AP3B2: variants seen among roughly 807,000 people sequenced by gnomAD.
AP3B2 encodes adaptor related protein complex 3 subunit beta 2.
In AP3B2, 50 loss-of-function variants were observed where a neutral mutation model predicts 126.9. That is an observed-to-expected ratio of 0.39 (90% confidence interval 0.31 to 0.50). The LOEUF is 0.50. Ranked by LOEUF, AP3B2 falls within the 20% of genes least tolerant of loss-of-function variation. AP3B2 has a pLI of 0.79. For synonymous variants in AP3B2, 541 were observed against 565.0 expected (o/e 0.96, Z 0.60); for missense variants, 1,177 against 1,426.4 (o/e 0.83, Z 2.82).
chr15:82,689,474 T>A (rs772475998), intron 1 of AP3B2, 21 bp from the exon 2 acceptor site: 1 of 1,610,454 alleles, frequency 6.2e-7, no homozygotes, highest in East Asian at 2.2e-5. Flanking sequence ...GTACAAGAAG[T>A]CAGCTGAGGG....
intron 12 of AP3B2, 139 bp downstream of exon 12, chr15:82,677,532 G>C: frequency 7.2e-7 from 1 of 1,385,104 alleles, no homozygotes; most frequent in East Asian, 2.5e-5. Flanking sequence ...AGGAACACTT[G>C]GGCCCTGATC....
At chr15:82,677,170 G>A in intron 13 of AP3B2, 104 bp downstream of exon 13, 2 of 976,570 alleles carry the variant, frequency 2.0e-6, no homozygotes, top group South Asian at 3.0e-5. Context: ...GAAGACCTAA[G>A]GTTTGGAAGT....
At chr15:82,697,476 A>G (rs932381430) in intron 1 of AP3B2, among the ~76,000 whole-genome samples, 1 of 152,222 alleles carries the variant, frequency 6.6e-6, no homozygotes, top group African/African-American at 2.4e-5. Context: ...GTGGCAAATG[A>G]CTGCTGCTAA....
chr15:82,663,152 A>G lies in AP3B2; in HGVS notation c.2579T>C (p.Leu860Pro). ...CGACGGTACCAGGGTGGAGTCTGTG[A>G]GTGTCAGGCCCTCCAGGTCAGCAGC... Reference protein sequence around the residue: ...SLAADLEGLTLTDSTLVPSLL... With the variant: ...SLAADLEGLTPTDSTLVPSLL... Residue 860 changes from leucine (L) to proline (P), a missense_variant, in exon 22 of 27, where the codon CTC becomes CCC. By Grantham distance (98) the Leu-to-Pro change is moderately conservative (BLOSUM62 -3). Coordinates refer to ENST00000535359, the MANE Select transcript of AP3B2 (RefSeq NM_001278512.2). The G allele has an allele frequency of 1.9e-6, 3 of 1,612,036 alleles. No individual in the cohort carries two copies. Among genetic ancestry groups the G allele is most frequent in the Non-Finnish European group, 2.5e-6 (3 of 1,179,558 alleles).
rs912930421 is a variant in AP3B2 at position 82,680,102 on chromosome 15, G to T, written c.1110+73C>A. 4 of 1,590,070 alleles carry T rather than the reference G, an allele frequency of 2.5e-6. No individual in the cohort carries two copies. ...TTCCCTTTCCCCGGCCCCGGTCCCAGCCCCGACAACGCCTCCAGTGCCCGC... is the reference window on the plus strand; with the variant it reads ...TTCCCTTTCCCCGGCCCCGGTCCCATCCCCGACAACGCCTCCAGTGCCCGC... On this transcript the variant is annotated intron_variant, in intron 9 of 26. Coordinates refer to ENST00000535359, the MANE Select transcript of AP3B2 (RefSeq NM_001278512.2). This position sits in a 1 kb window ranked among gnomAD's most constrained non-coding sequence, Gnocchi z 6.1.
At chr15:82,708,236 C>T (rs1212250333) in intron 1 of AP3B2, among the ~76,000 whole-genome samples, 1 of 151,608 alleles carries the variant, frequency 6.6e-6, no homozygotes, top group African/African-American at 2.4e-5. Context: ...AGAACAACCC[C>T]CTTTGACTGT....
At chr15:82,684,487 G>A (rs552469322) in intron 4 of AP3B2, among the ~76,000 whole-genome samples, 6 of 152,206 alleles carry the variant, frequency 3.9e-5, no homozygotes, top group Non-Finnish European at 8.8e-5. Flanking sequence ...TTTGGCTTAA[G>A]GGAATGTGGT....
At chr15:82,700,468 G>A (rs565356296) in intron 1 of AP3B2, among the ~76,000 whole-genome samples, 4 of 141,644 alleles carry the variant, frequency 2.8e-5, no homozygotes, top group Non-Finnish European at 6.0e-5. Flanking sequence ...GCGTGATCTC[G>A]GCTCACTGCA....
intron 14 of AP3B2, among the ~76,000 whole-genome samples, chr15:82,670,061 T>C (rs1337205378): frequency 4.7e-5 from 2 of 42,794 alleles, no homozygotes; most frequent in African/African-American, 8.8e-5. Context: ...AGAGCAAAAC[T>C]CCGTCTCCAA....
chr15:82,667,739 C>A (rs1024164363), intron 14 of AP3B2, among the ~76,000 whole-genome samples: 1 of 152,200 alleles, frequency 6.6e-6, no homozygotes, highest in African/African-American at 2.4e-5. Context: ...GAGAAGTAGG[C>A]ATTATTGCCC....
In AP3B2 at chr15:82,664,552, ACACCTGGGTTC is replaced by A; in HGVS notation, c.2138-73_2138-63del. The A allele has an allele frequency of 7.7e-6, 12 of 1,559,784 alleles. No individual in the cohort carries two copies. Among genetic ancestry groups the A allele is most frequent in the Non-Finnish European group, 1.0e-5 (12 of 1,153,488 alleles). On this transcript the variant is annotated intron_variant, in intron 18 of 26. Transcript: ENST00000535359. This position sits in a 1 kb window ranked among gnomAD's most constrained non-coding sequence, Gnocchi z 4.5. ...GCAGGCCTCCTTGGGTCTGGAGCAG[ACACCTGGGTTC>A]CACCTTCACATTCAGTACTGAACCC...
At chr15:82,677,988 G>T (rs1164951513) in intron 11 of AP3B2, 117 bp downstream of exon 11, 4 of 1,396,184 alleles carry the variant, frequency 2.9e-6, no homozygotes, top group Non-Finnish European at 2.9e-6. Flanking sequence ...ATTGGAACGG[G>T]AATGTAAGAT....
At chr15:82,672,732 C>T (rs2048177931) in intron 14 of AP3B2, among the ~76,000 whole-genome samples, 1 of 152,144 alleles carries the variant, frequency 6.6e-6, no homozygotes, top group East Asian at 1.9e-4. Context: ...TAAATATATA[C>T]ACCTACTATG....
chr15:82,690,503 G>A (rs1194988068), intron 1 of AP3B2, among the ~76,000 whole-genome samples: 1 of 151,802 alleles, frequency 6.6e-6, no homozygotes, highest in Non-Finnish European at 1.5e-5. Flanking sequence ...AACCTGCAGT[G>A]TTTGGTTTTC....
chr15:82,704,447 C>T (rs969716317), intron 1 of AP3B2, among the ~76,000 whole-genome samples: 6 of 152,194 alleles, frequency 3.9e-5, no homozygotes, highest in African/African-American at 1.4e-4. Context: ...GCCACATCTC[C>T]AGTACACAAG....
intron 1 of AP3B2, among the ~76,000 whole-genome samples, chr15:82,691,305 C>G (rs1425652578): frequency 6.6e-6 from 1 of 152,192 alleles, no homozygotes; most frequent in Non-Finnish European, 1.5e-5. Flanking sequence ...GCCATTCTAA[C>G]TGGTGTGAGA....
chr15:82,660,009 C>A, intron 25 of AP3B2, 26 bp from the exon 26 acceptor site: 1 of 1,612,042 alleles, frequency 6.2e-7, no homozygotes, highest in South Asian at 1.1e-5. Flanking sequence ...GTGATGAGGG[C>A]AGAGGCCATG....
Position 82,662,229 on chromosome 15 carries a change from C to G in AP3B2, c.2857G>C (p.Ala953Pro). The G allele has an allele frequency of 1.2e-6, 2 of 1,600,278 alleles. No homozygotes were observed. Among genetic ancestry groups the G allele is most frequent in the Non-Finnish European group, 1.7e-6 (2 of 1,173,090 alleles). ...EIESLAPGES[A>P]TAVMGINFCD... is the part of the protein sequence containing the mutation. Reference sequence around the variant, plus strand: ...AAATTAATGCCCATTACAGCAGTGGCAGATTCTCCAGGTGCCAGGGACTCT... The same window carrying G: ...AAATTAATGCCCATTACAGCAGTGGGAGATTCTCCAGGTGCCAGGGACTCT... Residue 953 changes from alanine (A) to proline (P), a missense_variant, in exon 24 of 27, where the codon GCC (alanine) becomes CCC (proline). Physicochemically the swap from Ala to Pro is conservative, Grantham distance 27 (BLOSUM62 -1). Transcript: ENST00000535359.
In AP3B2 at chr15:82,681,614, G is replaced by T. The variant is rs748199984; in HGVS notation, c.361-34C>A. 2 of 1,602,538 alleles carry T rather than the reference G, an allele frequency of 1.2e-6. No homozygotes were observed. Among genetic ancestry groups the T allele is most frequent in the South Asian group, 2.2e-5 (2 of 90,258 alleles). On this transcript the variant is annotated intron_variant, in intron 4 of 26. Transcript: ENST00000535359. This position sits in a 1 kb window ranked among gnomAD's most constrained non-coding sequence, Gnocchi z 4.0. Reference sequence around the variant, plus strand: ...AGAGGTGGAGGCAGAGCTATGAAAGGGCACCAGGTGCCCTGATGGGGGGAG... The same window carrying T: ...AGAGGTGGAGGCAGAGCTATGAAAGTGCACCAGGTGCCCTGATGGGGGGAG...
Sources: gnomAD v4.1 joint callset for allele counts (sites outside exome capture counted in the v4.1 genomes callset) on GRCh38, gnomAD v4.1.1 for gene constraint, Gnocchi (gnomAD v3.1) non-coding constraint, MANE v1.5 for transcripts, NCBI Gene and HGNC (gene_info 2026-07-23, HGNC 2026-07-21) for gene names.